Variants in COX10 observed in about 807,000 individuals in gnomAD.
COX10 encodes protoheme IX farnesyltransferase, mitochondrial.
In COX10, 27 loss-of-function variants were observed where a neutral mutation model predicts 37.3. The ratio of observed to expected loss-of-function variants is 0.72; its 90% CI spans 0.53 to 1.00. The LOEUF is 1.00. COX10 is among the 50% of genes least tolerant of loss of function. The pLI, the probability that COX10 is intolerant of heterozygous loss-of-function variation, is 0.00. For synonymous variants in COX10, 222 were observed against 229.1 expected, an observed-to-expected ratio of 0.97 and a Z score of 0.28; for missense variants, 475 against 563.2, an observed-to-expected ratio of 0.84 and a Z score of 1.59.
In COX10 at chr17:14,175,095, G is replaced by A. The variant is rs1388888524; in HGVS notation, c.695+15148G>A. Among the ~76,000 whole-genome samples, 73 of 74,432 alleles carry A rather than the reference G, an allele frequency of 9.8e-4. 20 individuals are homozygous for A. The East Asian group carries it at 0.018, about 19-fold the overall frequency. The allele number at this position is 74,432 out of a possible 152,430, so 48.8% of individuals were successfully genotyped here. ...TACTGGGAAATAGCGGGGGGGGGGG[G>A]GGTGGATAGGAGGGAATTGGCTATA... is the stretch of plus-strand genomic sequence containing the variant. On this transcript the variant is annotated intron_variant, in intron 5 of 6. Coordinates refer to ENST00000261643, the MANE Select transcript of COX10 (RefSeq NM_001303.4).
chr17:14,143,536 C>T (rs1904611614), intron 4 of COX10, among the ~76,000 whole-genome samples: 1 of 152,198 alleles, frequency 6.6e-6, no homozygotes, highest in Admixed American at 6.6e-5. Context: ...CAAACAGAGT[C>T]GTTAAAGAGA....
chr17:14,143,876 A>G (rs1275808995), intron 4 of COX10, among the ~76,000 whole-genome samples: 2 of 151,514 alleles, frequency 1.3e-5, no homozygotes, highest in Admixed American at 1.3e-4. Flanking sequence ...GCTTTTGCTG[A>G]TGATTAAGCC....
At chr17:14,143,237 A>G (rs1418350266) in intron 4 of COX10, among the ~76,000 whole-genome samples, 5 of 152,166 alleles carry the variant, frequency 3.3e-5, no homozygotes, top group Admixed American at 3.3e-4. Context: ...CTTTAATGCA[A>G]ATACCATTAT....
At chr17:14,106,825 G>A (rs982322632) in intron 4 of COX10, among the ~76,000 whole-genome samples, 2 of 152,094 alleles carry the variant, frequency 1.3e-5, no homozygotes, top group African/African-American at 4.8e-5. Flanking sequence ...TTGCTGTTGG[G>A]CTGCTTGCCT....
chr17:14,086,117 G>A (rs143769559), intron 3 of COX10, among the ~76,000 whole-genome samples: 10 of 152,112 alleles, frequency 6.6e-5, no homozygotes, highest in African/African-American at 2.4e-4. Context: ...AATGTCTTAT[G>A]TTGTTTGTGT....
chr17:14,122,542 T>C (rs1412990053), intron 4 of COX10, among the ~76,000 whole-genome samples: 1 of 152,124 alleles, frequency 6.6e-6, no homozygotes, highest in Non-Finnish European at 1.5e-5. Context: ...TTCTGTACTT[T>C]TATTTGCTAT....
intron 4 of COX10, among the ~76,000 whole-genome samples, chr17:14,120,859 T>C (rs1375669925): frequency 6.6e-6 from 1 of 152,222 alleles, no homozygotes; most frequent in Non-Finnish European, 1.5e-5. Context: ...AGTGGCTTTA[T>C]ATCCTAAAGC....
chr17:14,145,903 C>T (rs1904699468), intron 4 of COX10, among the ~76,000 whole-genome samples: 1 of 152,060 alleles, frequency 6.6e-6, no homozygotes, highest in South Asian at 2.1e-4. Context: ...ATTTTGCCTT[C>T]CTCCGACTTT....
intron 4 of COX10, among the ~76,000 whole-genome samples, chr17:14,143,150 T>C (rs1034632781): frequency 1.3e-5 from 2 of 152,218 alleles, no homozygotes; most frequent in African/African-American, 2.4e-5. Context: ...AACTGTCTTA[T>C]AGATGCATAT....
At chr17:14,102,062 T>G in intron 3 of COX10, 56 bp from the exon 4 acceptor site, 2 of 1,612,802 alleles carry the variant, frequency 1.2e-6, no homozygotes, top group South Asian at 2.2e-5. Flanking sequence ...CGTTCTGGCC[T>G]TTACAGTTGG....
At chr17:14,154,907 A>G (rs528771685) in intron 4 of COX10, among the ~76,000 whole-genome samples, 38 of 152,306 alleles carry the variant, frequency 2.5e-4, no homozygotes, top group African/African-American at 9.1e-4. Flanking sequence ...AGGGGATACA[A>G]ATAAAGTAAT....
intron 4 of COX10, among the ~76,000 whole-genome samples, chr17:14,149,924 G>A (rs930768341): frequency 1.3e-5 from 2 of 152,250 alleles, no homozygotes; most frequent in East Asian, 1.9e-4. Context: ...TGTGAGGGAG[G>A]ATATGACTGA....
At chr17:14,112,454 T>C (rs991762286) in intron 4 of COX10, among the ~76,000 whole-genome samples, 11 of 152,196 alleles carry the variant, frequency 7.2e-5, no homozygotes, top group Non-Finnish European at 1.6e-4. Context: ...GAAAGCTATT[T>C]TCTGGAAGGA....
At chr17:14,103,529 G>T (rs1915831489) in intron 4 of COX10, among the ~76,000 whole-genome samples, 1 of 151,982 alleles carries the variant, frequency 6.6e-6, no homozygotes, top group Non-Finnish European at 1.5e-5. Context: ...CAAAGAAAAT[G>T]TTTAAAATAA....
chr17:14,191,392 A>G (rs978191396), intron 5 of COX10, among the ~76,000 whole-genome samples: 3 of 151,428 alleles, frequency 2.0e-5, no homozygotes, highest in African/African-American at 7.3e-5. Context: ...AACCGGTAGC[A>G]TGCTGAGCCT....
intron 4 of COX10, among the ~76,000 whole-genome samples, chr17:14,149,329 A>G (rs1386554312): frequency 1.3e-5 from 2 of 152,188 alleles, no homozygotes; most frequent in Admixed American, 6.6e-5. Context: ...TTTTGTAGGT[A>G]TGATGTATAT....
At chr17:14,138,361 T>C (rs1904440531) in intron 4 of COX10, among the ~76,000 whole-genome samples, 1 of 152,204 alleles carries the variant, frequency 6.6e-6, no homozygotes, top group African/African-American at 2.4e-5. Context: ...TTGTCAGACA[T>C]TGAAACTGTA....
chr17:14,165,279 C>T (rs971324832), intron 5 of COX10, among the ~76,000 whole-genome samples: 4 of 152,112 alleles, frequency 2.6e-5, no homozygotes, highest in African/African-American at 9.7e-5. Flanking sequence ...CTGTGGTAAA[C>T]CTGCAGCAAA....
intron 4 of COX10, among the ~76,000 whole-genome samples, chr17:14,107,918 T>C (rs1032914405): frequency 2.0e-5 from 3 of 152,176 alleles, no homozygotes; most frequent in African/African-American, 7.2e-5. Context: ...AGCCTCCTTA[T>C]AACTTCAATC....
Sources: allele counts gnomAD v4.1 joint callset (sites outside exome capture counted in the v4.1 genomes callset), GRCh38; gene constraint gnomAD v4.1.1; transcripts MANE v1.5; gene names NCBI Gene and HGNC (gene_info 2026-07-23, HGNC 2026-07-21).